DTNA: variants seen among roughly 807,000 people sequenced by gnomAD.
DTNA encodes the protein dystrophin-related protein 3.
DTNA carries 43 observed loss-of-function variants against 100.7 expected under a neutral mutation model. The ratio of observed to expected loss-of-function variants is 0.43; its 90% CI spans 0.33 to 0.55. DTNA has a LOEUF of 0.55. Among genes scored for constraint, DTNA ranks in the 20% least tolerant of loss-of-function variants. The pLI, the probability that DTNA is intolerant of heterozygous loss-of-function variation, is 0.04. For synonymous variants in DTNA, 349 were observed against 347.9 expected (o/e 1.00, Z -0.04); for missense variants, 798 against 953.9 (o/e 0.84, Z 2.15).
Position 34,729,782 on chromosome 18 carries a change from A to C in DTNA, c.-2+19337A>C, listed in dbSNP as rs554412894. Among the ~76,000 whole-genome samples the C allele has an allele frequency of 1.7e-3, 256 of 152,264 alleles. 1 individual carries two copies. The highest frequency in any genetic ancestry group is 3.1e-3 in the Non-Finnish European group (212 of 68,022). ...GATGGGAAATTCAAGGTGGAAAGAC[A>C]TAAATGGCAACCAGAAATAATAGTC... On this transcript the variant is annotated intron_variant, in intron 1 of 22. Coordinates refer to ENST00000444659, the MANE Select transcript of DTNA (RefSeq NM_001386795.1).
At chr18:34,590,412 A>T (rs1340801370) in intron 1 of DTNA, among the ~76,000 whole-genome samples, 1 of 152,234 alleles carries the variant, frequency 6.6e-6, no homozygotes, top group African/African-American at 2.4e-5. Flanking sequence ...TTAGCTATAA[A>T]ACTATCACCA....
chr18:34,882,040 C>G (rs1568896863), intron 20 of DTNA, 29 bp from the exon 21 acceptor site: 3 of 1,613,972 alleles, frequency 1.9e-6, no homozygotes, highest in Non-Finnish European at 2.5e-6. Flanking sequence ...AAGATTTGCT[C>G]TAACATGTCA....
chr18:34,624,968 A>G (rs954014022), intron 1 of DTNA, among the ~76,000 whole-genome samples: 1 of 152,030 alleles, frequency 6.6e-6, no homozygotes, highest in African/African-American at 2.4e-5. Context: ...TCCTGGGTTC[A>G]AGCGATTCTC....
chr18:34,588,368 A>T (rs1313558802), intron 1 of DTNA, among the ~76,000 whole-genome samples: 1 of 152,130 alleles, frequency 6.6e-6, no homozygotes, highest in Non-Finnish European at 1.5e-5. Flanking sequence ...TCCCCAACCC[A>T]GCTTACAGTC....
intron 22 of DTNA, among the ~76,000 whole-genome samples, chr18:34,886,365 T>G (rs2096921521): frequency 6.6e-6 from 1 of 152,184 alleles, no homozygotes; most frequent in African/African-American, 2.4e-5. Flanking sequence ...TCCTGACTCA[T>G]TACAAGTAGA....
intron 1 of DTNA, among the ~76,000 whole-genome samples, chr18:34,679,110 T>G (rs989170099): frequency 6.6e-6 from 1 of 152,176 alleles, no homozygotes; most frequent in African/African-American, 2.4e-5. Flanking sequence ...ACAAAGAAGA[T>G]TCCATGTTTT....
intron 1 of DTNA, among the ~76,000 whole-genome samples, chr18:34,617,800 C>T (rs574821660): frequency 2.0e-5 from 3 of 152,214 alleles, no homozygotes; most frequent in Non-Finnish European, 4.4e-5. Flanking sequence ...CTATTGCACA[C>T]TTAAAAGACT....
At chr18:34,681,003 C>G (rs1353329476) in intron 1 of DTNA, among the ~76,000 whole-genome samples, 3 of 152,052 alleles carry the variant, frequency 2.0e-5, no homozygotes, top group African/African-American at 7.2e-5. Flanking sequence ...CCCTGAACCT[C>G]ATTAACACTA....
At chr18:34,734,874 A>G (rs997292977) in intron 1 of DTNA, among the ~76,000 whole-genome samples, 8 of 152,180 alleles carry the variant, frequency 5.3e-5, no homozygotes, top group Non-Finnish European at 1.0e-4. Flanking sequence ...CCATACTATT[A>G]GAAGTAGAGT....
chr18:34,627,318 C>G (rs16965680), intron 1 of DTNA, among the ~76,000 whole-genome samples: 1 of 152,128 alleles, frequency 6.6e-6, no homozygotes, highest in Admixed American at 6.5e-5. Context: ...GGGGAACCAA[C>G]GTTCATTCCA....
intron 1 of DTNA, among the ~76,000 whole-genome samples, chr18:34,687,129 G>A (rs2079016236): frequency 6.6e-6 from 1 of 152,062 alleles, no homozygotes; most frequent in Non-Finnish European, 1.5e-5. Flanking sequence ...GGTTTTTCAT[G>A]TCTCTATCTC....
Position 34,875,104 on chromosome 18 carries a change from C to G in DTNA, c.1744-135C>G, listed in dbSNP as rs1330055854. The G allele has an allele frequency of 5.4e-6, 7 of 1,307,962 alleles. No individual in the cohort carries two copies. The Admixed American group carries it at 1.6e-4, about 30-fold the overall frequency. The allele number at this position is 1,307,962 out of a possible 1,614,324, so 81.0% of individuals were successfully genotyped here. On this transcript the variant is annotated intron_variant, in intron 17 of 22. Transcript: ENST00000444659. ...CACCTGCAAATTAGCTTTAGGATTA[C>G]CAACACAATTACCTAGGATTTCCTC...
At chr18:34,634,237 T>A (rs1390265456) in intron 1 of DTNA, among the ~76,000 whole-genome samples, 1 of 152,192 alleles carries the variant, frequency 6.6e-6, no homozygotes, top group Non-Finnish European at 1.5e-5. Flanking sequence ...ATTCTCAAAC[T>A]TTTTAGTCTC....
chr18:34,608,770 G>A (rs12961219), intron 1 of DTNA, among the ~76,000 whole-genome samples: 1 of 152,128 alleles, frequency 6.6e-6, no homozygotes, highest in South Asian at 2.1e-4. Context: ...CTCACCTGCT[G>A]TTTAAACATA....
At position 34,824,292 on chromosome 18, in the gene DTNA, G is replaced by A. The variant is rs373892973; in HGVS notation, c.1002-3301G>A. 2.6e-4 allele frequency among the ~76,000 whole-genome samples: 39 copies of A among 152,168 alleles called. No homozygotes were observed. The East Asian group carries it at 6.4e-3, about 25-fold the overall frequency. ...AGATCGAGACCATCCTGGTTAACAC[G>A]ATGAAACCCCGTCTGTACTAAAAAT... On this transcript the variant is annotated intron_variant, in intron 9 of 22. Transcript: ENST00000444659.
chr18:34,634,259 A>G (rs2058413673), intron 1 of DTNA, among the ~76,000 whole-genome samples: 3 of 152,174 alleles, frequency 2.0e-5, no homozygotes, highest in African/African-American at 7.2e-5. Context: ...AAGGCCTTCA[A>G]GCTTGTAAAA....
At chr18:34,854,153 A>G (rs562627078) in intron 15 of DTNA, among the ~76,000 whole-genome samples, 8 of 152,188 alleles carry the variant, frequency 5.3e-5, no homozygotes, top group Non-Finnish European at 1.0e-4. Flanking sequence ...GGGGAGTAGG[A>G]GAATGGAGGG....
At chr18:34,638,746 T>G (rs1291327778) in intron 1 of DTNA, among the ~76,000 whole-genome samples, 1 of 152,216 alleles carries the variant, frequency 6.6e-6, no homozygotes, top group Non-Finnish European at 1.5e-5. Flanking sequence ...ATTCCACTAT[T>G]CAGGAAAATA....
chr18:34,865,567 C>A (rs183906113), intron 17 of DTNA, among the ~76,000 whole-genome samples: 5 of 152,278 alleles, frequency 3.3e-5, no homozygotes, highest in Non-Finnish European at 7.4e-5. Context: ...TCTTGTTGAT[C>A]TATCTTGGGT....
Sources: gnomAD v4.1 joint callset for allele counts (sites outside exome capture counted in the v4.1 genomes callset) on GRCh38, gnomAD v4.1.1 for gene constraint, MANE v1.5 for transcripts, NCBI Gene and HGNC (gene_info 2026-07-23, HGNC 2026-07-21) for gene names.